Variants in PTPRZ1 observed in about 807,000 individuals in gnomAD.
PTPRZ1 encodes the protein protein tyrosine phosphatase receptor type Z1.
PTPRZ1 carries 82 observed loss-of-function variants against 214.1 expected under a neutral mutation model. The observed-to-expected ratio is 0.38, with a 90% CI of 0.32 to 0.46. The LOEUF is 0.46. PTPRZ1 is among the 20% of genes least tolerant of loss of function. The probability of loss-of-function intolerance (pLI) is 1.00; values close to 1 mark genes in which losing one functional copy is unlikely to be tolerated. For missense variants in PTPRZ1, 2,603 were observed against 2,748.7 expected (o/e 0.95, Z 1.19); for synonymous variants, 945 against 987.9 (o/e 0.96, Z 0.81).
chr7:122,056,203 T>C (rs1792345204), intron 27 of PTPRZ1, among the ~76,000 whole-genome samples: 1 of 151,760 alleles, frequency 6.6e-6, no homozygotes, highest in East Asian at 1.9e-4. Context: ...ATTACAAGAG[T>C]AATAATCATT....
At chr7:121,937,116 G>A (rs1796108393) in intron 2 of PTPRZ1, among the ~76,000 whole-genome samples, 1 of 152,094 alleles carries the variant, frequency 6.6e-6, no homozygotes, top group African/African-American at 2.4e-5. Flanking sequence ...GAATATTCTG[G>A]TATGCTTACA....
chr7:122,053,883 GT>G (rs1481197935), intron 25 of PTPRZ1, 26 bp from the exon 26 acceptor site: 7 of 1,610,730 alleles, frequency 4.3e-6, no homozygotes, highest in Non-Finnish European at 5.1e-6. Flanking sequence ...CGCCAGTGCT[GT>G]TTTTGTCTTC....
At chr7:122,008,850 G>T (rs539387662) in intron 11 of PTPRZ1, among the ~76,000 whole-genome samples, 3 of 152,078 alleles carry the variant, frequency 2.0e-5, no homozygotes, top group African/African-American at 7.2e-5. Context: ...AACTTCTAAG[G>T]AAAGAAGAGA....
chr7:122,054,560 A>G (rs574233910), intron 26 of PTPRZ1, among the ~76,000 whole-genome samples: 1 of 152,158 alleles, frequency 6.6e-6, no homozygotes, highest in African/African-American at 2.4e-5. Flanking sequence ...TAGGCTTTAC[A>G]TGTTTACTTA....
intron 1 of PTPRZ1, among the ~76,000 whole-genome samples, chr7:121,894,341 G>C (rs1193513787): frequency 6.6e-6 from 1 of 152,034 alleles, no homozygotes; most frequent in African/African-American, 2.4e-5. Context: ...CATTTACATT[G>C]GTATTTATTA....
At chr7:121,907,667 T>G (rs1795156982) in intron 1 of PTPRZ1, among the ~76,000 whole-genome samples, 1 of 151,984 alleles carries the variant, frequency 6.6e-6, no homozygotes, top group African/African-American at 2.4e-5. Context: ...AAACTCAGGG[T>G]GTTTTGAAAT....
chr7:121,905,650 T>TACAC (rs10528167), intron 1 of PTPRZ1, among the ~76,000 whole-genome samples: 39 of 145,364 alleles, frequency 2.7e-4, no homozygotes, highest in African/African-American at 4.6e-4. Context: ...TTCTATTCTT[T>TACAC]ACACACACAC....
In PTPRZ1 at chr7:122,044,572, A is replaced by G. The variant is rs115696790; in HGVS notation, c.6084+4A>G. 1.3e-4 allele frequency: 203 copies of G among 1,612,966 alleles called. No individual in the cohort carries two copies. The African/African-American group carries it at 2.5e-3, about 20-fold the overall frequency. ...AAAGCTAGAGAAACAATTCCAGGTG[A>G]GTCCTCTTGGAAGCCTCTTGGATGT... On this transcript the variant is annotated splice_donor_region_variant and intron_variant, in intron 23 of 29. Coordinates refer to ENST00000393386, the MANE Select transcript of PTPRZ1 (RefSeq NM_002851.3).
chr7:121,878,589 C>T lies in PTPRZ1; in HGVS notation c.58+5032C>T, dbSNP rs956128569. Reference sequence around the variant, plus strand: ...GTAGCCTTTATGGACTGAGGTTGAACAGAAGAGATTAACTGCTGGTTCGGG... The same window carrying T: ...GTAGCCTTTATGGACTGAGGTTGAATAGAAGAGATTAACTGCTGGTTCGGG... On this transcript the variant is annotated intron_variant, in intron 1 of 29. Transcript: ENST00000393386. Among the ~76,000 whole-genome samples, 4 of 152,256 alleles carry T rather than the reference C, an allele frequency of 2.6e-5. No individual in the cohort carries two copies. In the East Asian group the frequency reaches 7.7e-4, roughly 29 times the overall value.
chr7:122,048,736 A>G (rs963750789), intron 23 of PTPRZ1, among the ~76,000 whole-genome samples: 1 of 152,192 alleles, frequency 6.6e-6, no homozygotes, highest in Non-Finnish European at 1.5e-5. Flanking sequence ...AAGGAAATCA[A>G]ATCAGCTGCC....
In PTPRZ1 at chr7:121,895,494, T is replaced by A. The variant is rs540564244; in HGVS notation, c.58+21937T>A. 5.9e-5 allele frequency among the ~76,000 whole-genome samples: 9 copies of A among 152,300 alleles called. 1 individual carries two copies. In the South Asian group the frequency reaches 1.9e-3, roughly 32 times the overall value. On this transcript the variant is annotated intron_variant, in intron 1 of 29. Coordinates refer to ENST00000393386, the MANE Select transcript of PTPRZ1 (RefSeq NM_002851.3). ...TTTCTTAGATTTTTATTAAGAGAGA[T>A]GTAAAATAATATTTTAAAGGAAATG... is the stretch of plus-strand genomic sequence containing the variant.
intron 1 of PTPRZ1, among the ~76,000 whole-genome samples, chr7:121,924,659 T>TTAAA (rs1795704808): frequency 6.6e-6 from 1 of 152,194 alleles, no homozygotes; most frequent in Non-Finnish European, 1.5e-5. Flanking sequence ...GAAGGAATCA[T>TTAAA]TAAAACAAGA....
rs137984192 is a variant in PTPRZ1 at position 122,011,288 on chromosome 7, A to G, written c.2242A>G (p.Thr748Ala). 1.2e-6 allele frequency: 2 copies of G among 1,613,986 alleles called. No individual in the cohort carries two copies. Among genetic ancestry groups the G allele is most frequent in the Non-Finnish European group, 1.7e-6 (2 of 1,180,026 alleles). ...CACGGTCAACGTGGTATACTCGCAGACAACCCAACCGGTATACAATGGTGA... is the reference window on the plus strand; with the variant it reads ...CACGGTCAACGTGGTATACTCGCAGGCAACCCAACCGGTATACAATGGTGA... ...VSTVNVVYSQ[T>A]TQPVYNGETP... The change falls in exon 12 of 30, where the codon ACA (threonine) becomes GCA (alanine). Residue 748 changes from threonine to alanine, a missense_variant. Physicochemically the swap from Thr to Ala is moderately conservative, Grantham distance 58. Around this residue, in one of 6 missense-constraint regions of PTPRZ1, gnomAD observed 1,913 missense variants for 1,914.3 expected, o/e 1.00. Transcript: ENST00000393386.
chr7:122,051,382 G>A (rs1792178433), intron 23 of PTPRZ1, 46 bp from the exon 24 acceptor site: 2 of 1,368,310 alleles, frequency 1.5e-6, no homozygotes, highest in Non-Finnish European at 2.1e-6. Flanking sequence ...TGTATTTGGG[G>A]GACTTAAATG....
chr7:121,905,654 C>A (rs548232399), intron 1 of PTPRZ1, among the ~76,000 whole-genome samples: 233 of 151,824 alleles, frequency 1.5e-3, no homozygotes, highest in Non-Finnish European at 2.4e-3. Context: ...ATTCTTTACA[C>A]ACACACACAC....
intron 2 of PTPRZ1, among the ~76,000 whole-genome samples, chr7:121,965,202 G>A (rs1330805369): frequency 6.6e-6 from 1 of 152,160 alleles, no homozygotes. Context: ...AGGAAGGGCT[G>A]CTTAGCTGGC....
chr7:122,021,091 T>G (rs1799002107), intron 13 of PTPRZ1, among the ~76,000 whole-genome samples: 1 of 152,168 alleles, frequency 6.6e-6, no homozygotes, highest in Non-Finnish European at 1.5e-5. Flanking sequence ...TGACCAATTC[T>G]GCTTCATAGT....
At chr7:122,026,457 C>G (rs76915987) in intron 13 of PTPRZ1, among the ~76,000 whole-genome samples, 3,454 of 152,228 alleles carry the variant, frequency 0.023, 38 homozygotes, top group Middle Eastern at 0.034. Flanking sequence ...AGAATATGCT[C>G]CATTCATAGT....
intron 1 of PTPRZ1, among the ~76,000 whole-genome samples, chr7:121,926,042 C>T (rs1040521815): frequency 2.0e-5 from 3 of 152,114 alleles, no homozygotes; most frequent in Non-Finnish European, 2.9e-5. Flanking sequence ...CAGTGGCTCA[C>T]GCCTGTAATT....
Sources: gnomAD v4.1 joint callset for allele counts (sites outside exome capture counted in the v4.1 genomes callset) on GRCh38, gnomAD v4.1.1 for gene constraint, gnomAD v4.1.1 regional missense constraint, MANE v1.5 for transcripts, NCBI Gene and HGNC (gene_info 2026-07-23, HGNC 2026-07-21) for gene names.